PRLR: variants seen among roughly 807,000 people sequenced by gnomAD.
PRLR encodes prolactin receptor.
In PRLR, 13 loss-of-function variants were observed where a neutral mutation model predicts 40.2. The ratio of observed to expected loss-of-function variants is 0.32; its 90% CI spans 0.21 to 0.51. The LOEUF (loss-of-function observed/expected upper bound fraction) is 0.51, where lower values mean the gene tolerates loss of function less well. Ranked by LOEUF, PRLR falls within the 20% of genes least tolerant of loss-of-function variation. PRLR has a pLI of 0.97. For synonymous variants in PRLR, 269 were observed against 278.7 expected, an observed-to-expected ratio of 0.97 and a Z score of 0.35; for missense variants, 656 against 747.3, an observed-to-expected ratio of 0.88 and a Z score of 1.42.
intron 1 of PRLR, among the ~76,000 whole-genome samples, chr5:35,217,898 T>C (rs1776322970): frequency 6.6e-6 from 1 of 152,236 alleles, no homozygotes. Context: ...TTAATTGCTC[T>C]GATCTTTAAA....
intron 4 of PRLR, 47 bp downstream of exon 4, chr5:35,086,161 T>A: frequency 6.2e-7 from 1 of 1,605,636 alleles, no homozygotes; most frequent in Non-Finnish European, 8.5e-7. Flanking sequence ...GCCTGGAGAA[T>A]GGGAGTACTC....
At chr5:35,090,854 A>C (rs1771162625) in intron 2 of PRLR, among the ~76,000 whole-genome samples, 1 of 120,116 alleles carries the variant, frequency 8.3e-6, no homozygotes. Flanking sequence ...TCTTTCGCCC[A>C]GGCTGGAGTG....
intron 1 of PRLR, among the ~76,000 whole-genome samples, chr5:35,163,286 C>G (rs1020704381): frequency 1.3e-5 from 2 of 152,170 alleles, no homozygotes; most frequent in Admixed American, 1.3e-4. Context: ...CGACAAGGAC[C>G]TGGCTCTTCG....
intron 1 of PRLR, among the ~76,000 whole-genome samples, chr5:35,213,078 A>T (rs1048996283): frequency 6.6e-6 from 1 of 152,200 alleles, no homozygotes; most frequent in Non-Finnish European, 1.5e-5. Context: ...CTGCTTGAAT[A>T]ATCAGAGCTA....
intron 1 of PRLR, among the ~76,000 whole-genome samples, chr5:35,195,913 A>C (rs1775721795): frequency 1.3e-5 from 2 of 152,180 alleles, no homozygotes; most frequent in Non-Finnish European, 2.9e-5. Flanking sequence ...AGGGACAGAG[A>C]GAGGGCCTCA....
intron 1 of PRLR, among the ~76,000 whole-genome samples, chr5:35,144,426 T>A (rs897868206): frequency 6.6e-6 from 1 of 151,930 alleles, no homozygotes; most frequent in African/African-American, 2.4e-5. Flanking sequence ...TAAAATCAAA[T>A]TTTTAAGTAA....
chr5:35,065,745 A>G lies in PRLR; in HGVS notation c.1213T>C (p.Tyr405His). 6.2e-7 allele frequency: 1 copy of G among 1,614,130 alleles called. No homozygotes were observed. The change falls in exon 10 of 10, where the codon TAT becomes CAT. Residue 405 changes from tyrosine (Y) to histidine (H), a missense_variant. Tyr to His is a moderately conservative substitution (Grantham distance 83). Coordinates refer to ENST00000618457, the MANE Select transcript of PRLR (RefSeq NM_000949.7). ...CATTTGGATCCACCAGCATGAAAAT[A>G]GGGGATTTTGCCTTCCATGCTTATG... ...QCISMEGKIP[Y>H]FHAGGSKCST... is the part of the protein sequence containing the mutation.
downstream of PRLR, among the ~76,000 whole-genome samples, chr5:35,052,858 A>G (rs539246168): frequency 6.6e-6 from 1 of 152,208 alleles, no homozygotes; most frequent in South Asian, 2.1e-4. Context: ...AGGTCCAATC[A>G]TTTTCCTACA....
At chr5:35,213,648 A>G (rs767818351) in intron 1 of PRLR, among the ~76,000 whole-genome samples, 20 of 152,214 alleles carry the variant, frequency 1.3e-4, no homozygotes, top group Non-Finnish European at 2.2e-4. Flanking sequence ...AACAATGAAC[A>G]ATAACAAGCA....
At chr5:35,189,478 G>C (rs900715262) in intron 1 of PRLR, among the ~76,000 whole-genome samples, 1 of 152,076 alleles carries the variant, frequency 6.6e-6, no homozygotes, top group African/African-American at 2.4e-5. Flanking sequence ...CTACTAGGGA[G>C]GCTGAGGCTG....
intron 2 of PRLR, among the ~76,000 whole-genome samples, chr5:35,102,497 A>ACTCCTCTCCACTCCT (rs1771956039): frequency 2.3e-4 from 16 of 68,846 alleles, no homozygotes; most frequent in African/African-American, 6.5e-4. Context: ...TCTCCTCTCC[A>ACTCCTCTCCACTCCT]CTCCTCTCCT....
chr5:35,184,605 G>T (rs192735843), intron 1 of PRLR, among the ~76,000 whole-genome samples: 44 of 152,290 alleles, frequency 2.9e-4, no homozygotes, highest in Middle Eastern at 6.8e-3. Flanking sequence ...AATCAGGCAT[G>T]TGCATGGGAT....
chr5:35,207,579 T>C (rs1776054136), intron 1 of PRLR, among the ~76,000 whole-genome samples: 1 of 151,986 alleles, frequency 6.6e-6, no homozygotes, highest in Non-Finnish European at 1.5e-5. Context: ...GTTCTCCTGA[T>C]TTAACACATT....
intron 5 of PRLR, among the ~76,000 whole-genome samples, chr5:35,083,948 T>A (rs1032646465): frequency 6.6e-6 from 1 of 152,128 alleles, no homozygotes; most frequent in African/African-American, 2.4e-5. Context: ...ATGATGTATA[T>A]ATATATATAC....
rs941499875 is a variant in PRLR, at chr5:35,070,021, T to C, written c.685+103A>G. On this transcript the variant is annotated intron_variant, in intron 7 of 9. Transcript: ENST00000618457. Reference sequence around the variant, plus strand: ...GATTATAAACCCACCTCTATTGTTCTGGCTAAGGCTCAAAATGGTTTCTCT... The same window carrying C: ...GATTATAAACCCACCTCTATTGTTCCGGCTAAGGCTCAAAATGGTTTCTCT... 6 of 1,334,846 alleles carry C rather than the reference T, an allele frequency of 4.5e-6. No individual in the cohort carries two copies. The African/African-American group carries it at 7.4e-5, about 16-fold the overall frequency. The allele number at this position is 1,334,846 out of a possible 1,614,324, so 82.7% of individuals were successfully genotyped here. A position where few individuals can be genotyped will look rare whatever the true frequency, so the allele number is the denominator to read the frequency against.
At chr5:35,117,637 CG>C (rs1773104952) in intron 2 of PRLR, among the ~76,000 whole-genome samples, 1 of 152,134 alleles carries the variant, frequency 6.6e-6, no homozygotes, top group Non-Finnish European at 1.5e-5. Flanking sequence ...AGTAACATTA[CG>C]GGGCCCAGAA....
At chr5:35,086,560 G>GGTGTGTGTGTGT (rs113256007) in intron 3 of PRLR, among the ~76,000 whole-genome samples, 27 of 148,184 alleles carry the variant, frequency 1.8e-4, no homozygotes, top group African/African-American at 6.2e-4. Flanking sequence ...GCATTTTGCT[G>GGTGTGTGTGTGT]GTGTGTGTGT....
chr5:35,133,265 G>C (rs1374371108), intron 1 of PRLR, among the ~76,000 whole-genome samples: 1 of 152,076 alleles, frequency 6.6e-6, no homozygotes. Context: ...CACATAATAG[G>C]ACTTCTTGCC....
chr5:35,129,999 G>A (rs934986206), intron 1 of PRLR, among the ~76,000 whole-genome samples: 2 of 152,186 alleles, frequency 1.3e-5, no homozygotes, highest in South Asian at 4.1e-4. Flanking sequence ...CGAATGCAGA[G>A]GGTGAAGTCA....
Sources: gnomAD v4.1 joint callset for allele counts (sites outside exome capture counted in the v4.1 genomes callset) on GRCh38, gnomAD v4.1.1 for gene constraint, MANE v1.5 for transcripts, NCBI Gene and HGNC (gene_info 2026-07-23, HGNC 2026-07-21) for gene names.